Variants in BLTP3A observed in about 807,000 individuals in gnomAD.
BLTP3A encodes the protein bridge-like lipid transfer protein family member 3A, also known as ICBP90 binding protein 1.
At chr6:34,795,779 A>G in the BLTP3A span, among the ~76,000 whole-genome samples, 1 of 152,082 alleles carries the variant, frequency 6.6e-6, no homozygotes, top group Non-Finnish European at 1.5e-5. Flanking sequence ...CTTTTTTATT[A>G]ATAGATGAAG....
the BLTP3A span, among the ~76,000 whole-genome samples, chr6:34,799,844 ATTTATC>A: frequency 3.3e-5 from 5 of 152,088 alleles, no homozygotes; most frequent in Non-Finnish European, 7.4e-5. Flanking sequence ...AACCATTACA[ATTTATC>A]TTTACTTATT....
At chr6:34,864,089 G>A in the BLTP3A span, 566,956 of 1,612,860 alleles carry the variant, frequency 0.35, 106,345 homozygotes, top group African/African-American at 0.7. Flanking sequence ...TGAAGAGGAC[G>A]GTATCTCAAC....
the BLTP3A span, among the ~76,000 whole-genome samples, chr6:34,796,339 T>G: frequency 2.0e-5 from 3 of 152,174 alleles, no homozygotes; most frequent in African/African-American, 4.8e-5. Context: ...AGAATGGTAT[T>G]CAATATGATT....
At chr6:34,794,603 AG>A in the BLTP3A span, among the ~76,000 whole-genome samples, 1 of 152,202 alleles carries the variant, frequency 6.6e-6, no homozygotes, top group African/African-American at 2.4e-5. Context: ...TCTTGGAACT[AG>A]GTGAATAATC....
chr6:34,798,969 T>C, the BLTP3A span, among the ~76,000 whole-genome samples: 1 of 152,060 alleles, frequency 6.6e-6, no homozygotes, highest in African/African-American at 2.4e-5. Context: ...GGAGACAGGG[T>C]CTCGCTCTGT....
the BLTP3A span, chr6:34,855,515 G>A: frequency 1.5e-6 from 2 of 1,356,300 alleles, no homozygotes; most frequent in African/African-American, 2.9e-5. Flanking sequence ...GTTATCAGCT[G>A]GGCTTTGAAG....
At chr6:34,857,788 G>C in the BLTP3A span, 5 of 1,614,118 alleles carry the variant, frequency 3.1e-6, no homozygotes, top group Non-Finnish European at 4.2e-6. Flanking sequence ...CTGTCAGTTT[G>C]CTCTGGGGAA....
chr6:34,870,031 A>C, the BLTP3A span, among the ~76,000 whole-genome samples: 1 of 152,192 alleles, frequency 6.6e-6, no homozygotes, highest in Non-Finnish European at 1.5e-5. Context: ...CAATTTTATA[A>C]TTGTGTAACC....
chr6:34,858,850 C>T, the BLTP3A span: 7 of 1,614,172 alleles, frequency 4.3e-6, no homozygotes, highest in Non-Finnish European at 4.2e-6. Flanking sequence ...GAGGCTTGAC[C>T]ACTACCAGTA....
the BLTP3A span, chr6:34,870,954 C>A: frequency 5.3e-3 from 8,500 of 1,614,160 alleles, 60 homozygotes; most frequent in South Asian, 0.02. Context: ...TTCATTCCCC[C>A]CTGGCCTCAC....
At chr6:34,832,968 C>G in the BLTP3A span, among the ~76,000 whole-genome samples, 1 of 151,968 alleles carries the variant, frequency 6.6e-6, no homozygotes, top group African/African-American at 2.4e-5. Context: ...GTGATTTCAC[C>G]TACATGTCAA....
chr6:34,853,184 G>A, the BLTP3A span, among the ~76,000 whole-genome samples: 11 of 152,082 alleles, frequency 7.2e-5, no homozygotes, highest in African/African-American at 1.4e-4. Flanking sequence ...GTTGTTTTTC[G>A]TTTGTGTTTT....
chr6:34,867,129 ATTTTG>A, the BLTP3A span: 5 of 1,311,960 alleles, frequency 3.8e-6, no homozygotes, highest in African/African-American at 4.5e-5. Flanking sequence ...TGTCATAAGT[ATTTTG>A]TTTTATTTTT....
At chr6:34,835,802 A>G in the BLTP3A span, among the ~76,000 whole-genome samples, 1 of 152,198 alleles carries the variant, frequency 6.6e-6, no homozygotes, top group Non-Finnish European at 1.5e-5. Flanking sequence ...ATGCCATGAG[A>G]GCACAAAGAA....
chr6:34,865,696 T>C, the BLTP3A span, among the ~76,000 whole-genome samples: 3 of 152,260 alleles, frequency 2.0e-5, no homozygotes, highest in Non-Finnish European at 4.4e-5. Context: ...ACACTTGTTA[T>C]CTTTAATCTT....
the BLTP3A span, chr6:34,859,058 C>T: frequency 6.2e-7 from 1 of 1,614,208 alleles, no homozygotes; most frequent in Non-Finnish European, 8.5e-7. Context: ...TCAGATAGCA[C>T]TAGCCTCGTA....
chr6:34,822,229 T>C, the BLTP3A span, among the ~76,000 whole-genome samples: 302 of 152,064 alleles, frequency 2.0e-3, 1 homozygote, highest in African/African-American at 6.7e-3. Flanking sequence ...GCTCTACCCT[T>C]AGACTTTTCT....
At chr6:34,792,365 C>T in the BLTP3A span, 1 of 1,397,776 alleles carries the variant, frequency 7.2e-7, no homozygotes, top group Admixed American at 2.5e-5. Flanking sequence ...CTCCCTGACG[C>T]CGCGCTCCGG....
the BLTP3A span, chr6:34,823,430 TATGGACA>T: frequency 1.7e-6 from 2 of 1,193,302 alleles, no homozygotes; most frequent in Admixed American, 1.9e-5. Context: ...AACTTTTTAT[TATGGACA>T]TTTTCAAACT....
Sources: gnomAD v4.1 joint callset for allele counts (sites outside exome capture counted in the v4.1 genomes callset) on GRCh38, gnomAD v4.1.1 for gene constraint, MANE v1.5 for transcripts, NCBI Gene and HGNC (gene_info 2026-07-23, HGNC 2026-07-21) for gene names.